Variants in CACFD1 observed in about 807,000 individuals in gnomAD.
CACFD1 encodes calcium channel flower domain containing 1.
In CACFD1, 26 loss-of-function variants were observed where a neutral mutation model predicts 21.3. The ratio of observed to expected loss-of-function variants is 1.22; its 90% confidence interval spans 0.89 to 1.69. CACFD1 has a LOEUF of 1.69. Among genes scored for constraint, CACFD1 ranks in the 40% most tolerant of loss-of-function variants. The pLI, the probability that CACFD1 is intolerant of heterozygous loss-of-function variation, is 0.00. For missense variants in CACFD1, 265 were observed against 236.2 expected, an observed-to-expected ratio of 1.12 and a Z score of -0.80; for synonymous variants, 121 against 106.6, an observed-to-expected ratio of 1.13 and a Z score of -0.83.
chr9:133,464,412 G>A (rs2130992958), intron 2 of CACFD1, among the ~76,000 whole-genome samples: 1 of 152,262 alleles, frequency 6.6e-6, no homozygotes, highest in Non-Finnish European at 1.5e-5. Context: ...AGTTTGAAGT[G>A]GAAGGGCTGG....
At position 133,459,989 on chromosome 9, in the gene CACFD1, A is replaced by G; in HGVS notation, c.-78A>G. 1 of 1,444,980 alleles carries G rather than the reference A, an allele frequency of 6.9e-7. No homozygotes were observed. Among genetic ancestry groups the G allele is most frequent in the Non-Finnish European group, 9.1e-7 (1 of 1,100,156 alleles). The allele number at this position is 1,444,980 out of a possible 1,614,324, so 89.5% of individuals were successfully genotyped here. A position where few individuals can be genotyped will look rare whatever the true frequency, so the allele number is the denominator to read the frequency against. ...TATGCTAATATGCTCCCTCTCCCAC[A>G]AGGCAGCGCGCCGGCTCGGACGCGG... On this transcript the variant is annotated 5_prime_UTR_variant, in exon 1 of 5. Transcript: ENST00000316948.
Position 133,468,604 on chromosome 9 carries a change from A to G in CACFD1, c.470A>G (p.Gln157Arg), listed in dbSNP as rs781891404. ...ISYARIQQQRQQADEEKLAET... is the reference protein window; with the variant it reads ...ISYARIQQQRRQADEEKLAET... ...TATGCCAGGATCCAGCAGCAGAGGCAGCAGGCGGATGAGGAGAAGCTCGCG... is the reference window on the plus strand; with the variant it reads ...TATGCCAGGATCCAGCAGCAGAGGCGGCAGGCGGATGAGGAGAAGCTCGCG... Residue 157 changes from glutamine to arginine, a missense_variant, in exon 5 of 5, where the codon CAG becomes CGG. Physicochemically the swap from Gln to Arg is conservative, Grantham distance 43 (BLOSUM62 1). Transcript: ENST00000316948. The G allele has an allele frequency of 3.8e-6, 6 of 1,592,870 alleles. No homozygotes were observed. The highest frequency in any genetic ancestry group is 5.1e-6 in the Non-Finnish European group (6 of 1,171,906).
chr9:133,461,639 C>T (rs1020020029), intron 1 of CACFD1, among the ~76,000 whole-genome samples: 3 of 152,196 alleles, frequency 2.0e-5, no homozygotes, highest in Non-Finnish European at 4.4e-5. Context: ...TGGAGTCTTA[C>T]TCAGTTCTGT....
At chr9:133,462,320 G>A (rs1380553508) in intron 1 of CACFD1, 2 of 1,295,574 alleles carry the variant, frequency 1.5e-6, no homozygotes, top group East Asian at 5.6e-5. Flanking sequence ...GGAACACCTT[G>A]CTGTCTGAAG....
rs201075969 is a variant in CACFD1, at chr9:133,463,545, G to A, written c.184G>A (p.Val62Met). The change falls in exon 2 of 5, where the codon GTG becomes ATG. Residue 62 changes from valine (V) to methionine (M), a missense_variant. Coordinates refer to ENST00000316948, the MANE Select transcript of CACFD1 (RefSeq NM_017586.5). Reference sequence around the variant, plus strand: ...CCACCCTCTGAACATTGCGGCCGGCGTGTGGATGATGTGAGTAATGCATGG... The same window carrying A: ...CCACCCTCTGAACATTGCGGCCGGCATGTGGATGATGTGAGTAATGCATGG... ...TIHPLNIAAG[V>M]WMIMNAFILL... 3.1e-5 allele frequency: 50 copies of A among 1,614,036 alleles called. No individual in the cohort carries two copies. The highest frequency in any genetic ancestry group is 5.0e-5 in the Admixed American group (3 of 60,034).
intron 2 of CACFD1, among the ~76,000 whole-genome samples, chr9:133,464,439 C>T (rs2130993017): frequency 6.6e-6 from 1 of 152,210 alleles, no homozygotes; most frequent in Non-Finnish European, 1.5e-5. Flanking sequence ...ACAGAGTGAG[C>T]CCGTGCTTGG....
chr9:133,460,459 A>AG (rs1554798160), intron 1 of CACFD1, among the ~76,000 whole-genome samples: 8 of 69,812 alleles, frequency 1.1e-4, no homozygotes, highest in Non-Finnish European at 1.7e-4. Flanking sequence ...CAGAAACCCC[A>AG]GGGCGGGGGG....
At chr9:133,460,783 C>T (rs1843168556) in intron 1 of CACFD1, among the ~76,000 whole-genome samples, 1 of 152,182 alleles carries the variant, frequency 6.6e-6, no homozygotes, top group Non-Finnish European at 1.5e-5. Flanking sequence ...GGGCAGTGAG[C>T]TGAGGGCCCG....
rs372403761 is a variant in CACFD1 at position 133,468,628 on chromosome 9, C to A, written c.494C>A (p.Ala165Glu). 31 of 1,585,300 alleles carry A rather than the reference C, an allele frequency of 2.0e-5. No individual in the cohort carries two copies. The highest frequency in any genetic ancestry group is 4.0e-5 in the African/African-American group (3 of 74,740). ...CAGCAGGCGGATGAGGAGAAGCTCG[C>A]GGAGACCCTGGAGGGGGAGCTGTGA... is the stretch of plus-strand genomic sequence containing the variant. ...QRQQADEEKL[A>E]ETLEGEL is the part of the protein sequence containing the mutation. Residue 165 changes from alanine (A) to glutamate (E), a missense_variant, in exon 5 of 5, where the codon GCG becomes GAG. Physicochemically the swap from Ala to Glu is moderately radical, Grantham distance 107. Transcript: ENST00000316948.
At chr9:133,462,209 C>T (rs781880520) in intron 1 of CACFD1, 8 of 1,304,232 alleles carry the variant, frequency 6.1e-6, no homozygotes, top group South Asian at 4.9e-5. Context: ...GAAGCACAGC[C>T]GAGCTGTCAG....
rs587750825 is a variant in CACFD1 at position 133,468,005 on chromosome 9, C to T, written c.405C>T (p.Tyr135=). 12 of 1,613,840 alleles carry T rather than the reference C, an allele frequency of 7.4e-6. No individual in the cohort carries two copies. The highest frequency in any genetic ancestry group is 1.7e-4 in the Middle Eastern group (1 of 6,060). Residue 135 remains tyrosine, a synonymous_variant, in exon 4 of 5, where the codon TAC becomes TAT. Coordinates refer to ENST00000316948, the MANE Select transcript of CACFD1 (RefSeq NM_017586.5). ...TCGCCTTTGCTACGGGGGTGCTGTA[C>T]GGACTCTCTGCTCTGGGCAAAAAGT... ...NAIAFATGVL[Y]GLSALGKKGD... is the part of the protein sequence containing the mutation.
At chr9:133,467,897 C>T in intron 3 of CACFD1, 24 bp from the exon 4 acceptor site, 2 of 1,574,848 alleles carry the variant, frequency 1.3e-6, no homozygotes, top group Non-Finnish European at 1.7e-6. Flanking sequence ...CGGAGTGCCC[C>T]CTTGACCTCT....
Position 133,468,968 on chromosome 9 carries a change from G to GA in CACFD1, c.*316dup, listed in dbSNP as rs1843562622. 1 of 397,584 alleles carries GA rather than the reference G, an allele frequency of 2.5e-6. No individual in the cohort carries two copies. The highest frequency in any genetic ancestry group is 8.9e-5 in the South Asian group (1 of 11,262). The allele number at this position is 397,584 out of a possible 1,614,324, so 24.6% of individuals were successfully genotyped here. On this transcript the variant is annotated 3_prime_UTR_variant, in exon 5 of 5. Transcript: ENST00000316948. ...CTGCCTGTGACCTGCTGTGACCTGG[G>GA]AGCAGCTTCCCCTGGAGATGCTGGT...
intron 1 of CACFD1, among the ~76,000 whole-genome samples, chr9:133,461,211 C>T (rs782532976): frequency 1.3e-5 from 2 of 152,244 alleles, no homozygotes; most frequent in Non-Finnish European, 2.9e-5. Context: ...AGAAGGACCA[C>T]CTTTTCAGGG....
chr9:133,468,740 C>T lies in CACFD1; in HGVS notation c.*87C>T, dbSNP rs1314946159. The T allele has an allele frequency of 8.9e-6, 13 of 1,462,052 alleles. No individual in the cohort carries two copies. Among genetic ancestry groups the T allele is most frequent in the Non-Finnish European group, 1.2e-5 (13 of 1,108,020 alleles). 90.6% of individuals were successfully genotyped at this position (1,462,052 alleles called of 1,614,324 possible). On this transcript the variant is annotated 3_prime_UTR_variant, in exon 5 of 5. Coordinates refer to ENST00000316948, the MANE Select transcript of CACFD1 (RefSeq NM_017586.5). ...CTGGACTGTCCACGCTGAGGCACAG[C>T]CTGGAGAGGGGCCTTTGCACGTGTC...
rs587693725 is a variant in CACFD1, at chr9:133,460,006, C to A, written c.-61C>A. 22 of 1,467,078 alleles carry A rather than the reference C, an allele frequency of 1.5e-5. No individual in the cohort carries two copies. The African/African-American group carries it at 2.6e-4, about 18-fold the overall frequency. 90.9% of individuals were successfully genotyped at this position (1,467,078 alleles called of 1,614,324 possible). ...TCTCCCACAAGGCAGCGCGCCGGCT[C>A]GGACGCGGCCGGCTACCGAGCCCTT... On this transcript the variant is annotated 5_prime_UTR_variant, in exon 1 of 5. Coordinates refer to ENST00000316948, the MANE Select transcript of CACFD1 (RefSeq NM_017586.5).
At chr9:133,463,421 C>G in intron 1 of CACFD1, 62 bp from the exon 2 acceptor site, 1 of 1,611,538 alleles carries the variant, frequency 6.2e-7, no homozygotes, top group African/African-American at 1.3e-5. Flanking sequence ...CTCCCAAGGC[C>G]GCCTTCCCAG....
chr9:133,465,719 G>A lies in CACFD1; in HGVS notation c.320+272G>A. The A allele has an allele frequency of 2.5e-6, 1 of 394,318 alleles. No homozygotes were observed. The highest frequency in any genetic ancestry group is 4.3e-5 in the Admixed American group (1 of 23,242). The allele number at this position is 394,318 out of a possible 1,614,324, so 24.4% of individuals were successfully genotyped here. A position where few individuals can be genotyped will look rare whatever the true frequency, so the allele number is the denominator to read the frequency against. ...TGTGGCAGCATCCGTGCAGTGGAGA[G>A]AAAGTGGGAAGCGTCTGGAATTTTG... On this transcript the variant is annotated intron_variant, in intron 3 of 4. Transcript: ENST00000316948. The surrounding 1 kb of genome is among the most constrained non-coding windows in gnomAD (Gnocchi z 5.0).
rs782725242 is a variant in CACFD1 at position 133,469,956 on chromosome 9, GGGAGTGGCATCTGAGGCCA to G, written c.*1313_*1331del. On this transcript the variant is annotated 3_prime_UTR_variant, in exon 5 of 5. Transcript: ENST00000316948. Reference sequence around the variant, plus strand: ...GAGGCTGGGAGTGGCATCTGAGGCCGGGAGTGGCATCTGAGGCCAGGAGTGGCAGGCTGGTGGGCTGGGC... The same window carrying G: ...GAGGCTGGGAGTGGCATCTGAGGCCGGGAGTGGCAGGCTGGTGGGCTGGGC... 0.036 allele frequency: 4,244 copies of G among 116,422 alleles called. 115 individuals are homozygous for G. The highest frequency in any genetic ancestry group is 0.11 in the East Asian group (287 of 2,640). 7.2% of individuals were successfully genotyped at this position (116,422 alleles called of 1,614,324 possible).
Sources: allele counts gnomAD v4.1 joint callset (sites outside exome capture counted in the v4.1 genomes callset), GRCh38; gene constraint gnomAD v4.1.1; non-coding constraint Gnocchi (gnomAD v3.1); transcripts MANE v1.5; gene names NCBI Gene and HGNC (gene_info 2026-07-23, HGNC 2026-07-21).